DNAH14: variants seen among roughly 807,000 people sequenced by gnomAD.
DNAH14 encodes the protein dynein axonemal heavy chain 14, also known as axonemal beta dynein heavy chain 14.
Under a neutral mutation model 520.9 loss-of-function variants are expected in DNAH14, and 478 were observed. That is an observed-to-expected ratio of 0.92 (90% CI 0.85 to 0.99). The LOEUF is 0.99. DNAH14 is among the 50% of genes least tolerant of loss of function. The pLI is 0.00. For missense variants in DNAH14, 4,831 were observed against 5,234.5 expected (o/e 0.92, Z 2.38); for synonymous variants, 1,581 against 1,757.2 (o/e 0.90, Z 2.51).
rs185197900 is a variant in DNAH14 at position 225,335,208 on chromosome 1, C to T, written c.10080+1702C>T. 1.3e-3 allele frequency among the ~76,000 whole-genome samples: 185 copies of T among 137,970 alleles called. 14 individuals are homozygous for T. The highest frequency in any genetic ancestry group is 0.012 in the Admixed American group (155 of 13,306). 90.5% of individuals were successfully genotyped at this position (137,970 alleles called of 152,430 possible). A position where few individuals can be genotyped will look rare whatever the true frequency, so the allele number is the denominator to read the frequency against. On this transcript the variant is annotated intron_variant, in intron 66 of 85. Coordinates refer to ENST00000682510, the MANE Select transcript of DNAH14 (RefSeq NM_001367479.1). ...ATGTGTGTATATATGCACACACGTA[C>T]ATGTGTGTATATATGCACATATACA...
chr1:225,267,843 T>C (rs761574401), intron 49 of DNAH14, among the ~76,000 whole-genome samples: 2 of 151,688 alleles, frequency 1.3e-5, no homozygotes, highest in Non-Finnish European at 2.9e-5. Flanking sequence ...TCAGTCAGAC[T>C]GAAACAACCC....
chr1:224,935,405 A>G (rs559567389), intron 1 of DNAH14, among the ~76,000 whole-genome samples: 25 of 152,052 alleles, frequency 1.6e-4, no homozygotes, highest in African/African-American at 5.8e-4. Context: ...TATTCCATGC[A>G]AATGGAAGCC....
chr1:225,053,110 T>G (rs1483085452), intron 17 of DNAH14, among the ~76,000 whole-genome samples: 1 of 152,146 alleles, frequency 6.6e-6, no homozygotes, highest in Non-Finnish European at 1.5e-5. Context: ...AACTCAGTTA[T>G]GTGCCCTCAC....
intron 75 of DNAH14, among the ~76,000 whole-genome samples, chr1:225,361,872 A>G (rs2095496066): frequency 6.6e-6 from 1 of 152,074 alleles, no homozygotes. Flanking sequence ...CAATCAATCA[A>G]TCAATCAATA....
intron 27 of DNAH14, among the ~76,000 whole-genome samples, chr1:225,135,697 G>T (rs60782238): frequency 0.043 from 6,524 of 151,950 alleles, 404 homozygotes; most frequent in African/African-American, 0.14. Flanking sequence ...GTCAAGTTCA[G>T]GTTCTAAATA....
intron 49 of DNAH14, among the ~76,000 whole-genome samples, chr1:225,268,817 C>T (rs374827402): frequency 0.049 from 7,455 of 151,876 alleles, 285 homozygotes; most frequent in Non-Finnish European, 0.073. Flanking sequence ...CACTGCTCAA[C>T]GAAATAAAAG....
At chr1:225,191,046 T>A (rs929318384) in intron 37 of DNAH14, among the ~76,000 whole-genome samples, 1 of 151,950 alleles carries the variant, frequency 6.6e-6, no homozygotes, top group African/African-American at 2.4e-5. Flanking sequence ...ATAGATTCAT[T>A]ATTATTGTTT....
At chr1:225,048,314 A>G (rs775632700) in intron 15 of DNAH14, among the ~76,000 whole-genome samples, 1 of 152,170 alleles carries the variant, frequency 6.6e-6, no homozygotes. Context: ...CAGCCTAGGC[A>G]AGATGGTGAA....
At chr1:225,233,824 C>T (rs917195127) in intron 42 of DNAH14, among the ~76,000 whole-genome samples, 1 of 152,164 alleles carries the variant, frequency 6.6e-6, no homozygotes, top group Non-Finnish European at 1.5e-5. Flanking sequence ...GCTTTAGTTG[C>T]AATTGCGTTT....
chr1:225,004,614 A>T lies in DNAH14; in HGVS notation c.975+1687A>T, dbSNP rs575887339. ...CTGCCCATAGGGCAGGGGCACTCCTAGTGGTGATTGTTATGAGGGCAATTT... is the reference window on the plus strand; with the variant it reads ...CTGCCCATAGGGCAGGGGCACTCCTTGTGGTGATTGTTATGAGGGCAATTT... On this transcript the variant is annotated intron_variant, in intron 9 of 85. Coordinates refer to ENST00000682510, the MANE Select transcript of DNAH14 (RefSeq NM_001367479.1). 9.8e-4 allele frequency among the ~76,000 whole-genome samples: 150 copies of T among 152,300 alleles called. 1 individual carries two copies. The highest frequency in any genetic ancestry group is 1.2e-3 in the Admixed American group (19 of 15,280).
At position 225,051,713 on chromosome 1, in the gene DNAH14, T is replaced by C. The variant is rs1188209022; in HGVS notation, c.2342T>C (p.Leu781Ser). 1 of 1,551,220 alleles carries C rather than the reference T, an allele frequency of 6.4e-7. No homozygotes were observed. The highest frequency in any genetic ancestry group is 8.7e-7 in the Non-Finnish European group (1 of 1,146,730). Residue 781 changes from leucine to serine, a missense_variant, in exon 17 of 86, where the codon TTA becomes TCA. By Grantham distance (145) the Leu-to-Ser change is moderately radical. Coordinates refer to ENST00000682510, the MANE Select transcript of DNAH14 (RefSeq NM_001367479.1). ...AGTCTTGATTATCAATCAGAATGCT[T>C]ACTGTATATTGACAACGTCATACAT... ...VVSLDYQSECLLYIDNVIHMS... is the reference protein window; with the variant it reads ...VVSLDYQSECSLYIDNVIHMS...
chr1:225,381,396 T>C lies in DNAH14; in HGVS notation c.12894T>C (p.Leu4298=), dbSNP rs750782447. The part of the protein sequence containing the change: ...LSKNLKDHDP[L]IHCVLLTFLK... Reference sequence around the variant, plus strand: ...TTTAAAATCCAGATCACGACCCCCTTATCCATTGTGTCTTGCTAACCTTTT... The same window carrying C: ...TTTAAAATCCAGATCACGACCCCCTCATCCATTGTGTCTTGCTAACCTTTT... The change falls in exon 81 of 86, where the codon CTT becomes CTC. Residue 4298 remains leucine, a synonymous_variant. Coordinates refer to ENST00000682510, the MANE Select transcript of DNAH14 (RefSeq NM_001367479.1). The C allele has an allele frequency of 6.5e-7, 1 of 1,546,974 alleles. No homozygotes were observed. Among genetic ancestry groups the C allele is most frequent in the East Asian group, 2.4e-5 (1 of 40,890 alleles).
chr1:225,335,809 A>C (rs1339395537), intron 66 of DNAH14, among the ~76,000 whole-genome samples: 2 of 137,940 alleles, frequency 1.4e-5, no homozygotes, highest in African/African-American at 5.4e-5. Context: ...GTATATGTAC[A>C]TATATGTACA....
In DNAH14 at chr1:225,043,980, A is replaced by G. The variant is rs889814721; in HGVS notation, c.1909A>G (p.Ile637Val). 6.1e-6 allele frequency: 9 copies of G among 1,472,344 alleles called. No individual in the cohort carries two copies. Among genetic ancestry groups the G allele is most frequent in the African/African-American group, 2.8e-5 (2 of 70,598 alleles). 91.2% of individuals were successfully genotyped at this position (1,472,344 alleles called of 1,614,324 possible). Residue 637 changes from isoleucine to valine, a missense_variant, in exon 15 of 86, where the codon ATA becomes GTA. Physicochemically the swap from Ile to Val is conservative, Grantham distance 29. Transcript: ENST00000682510. ...QNMLTNMEKC[I>V]TTITPLCQDP... ...TATGTTGACTAATATGGAAAAATGT[A>G]TAAGTAAGTGTTTTTAAAGCTTAGT...
intron 10 of DNAH14, among the ~76,000 whole-genome samples, chr1:225,017,334 T>A (rs1357657524): frequency 6.6e-6 from 1 of 152,250 alleles, no homozygotes; most frequent in Non-Finnish European, 1.5e-5. Context: ...ATGAAAGTTG[T>A]TGATAAAGTT....
At chr1:225,036,548 A>G (rs2066984299) in intron 11 of DNAH14, among the ~76,000 whole-genome samples, 1 of 152,044 alleles carries the variant, frequency 6.6e-6, no homozygotes, top group Admixed American at 6.5e-5. Context: ...CTGTTCCCAT[A>G]CATCTTTCTG....
At chr1:225,077,365 T>C (rs1200665193) in intron 17 of DNAH14, among the ~76,000 whole-genome samples, 1 of 152,204 alleles carries the variant, frequency 6.6e-6, no homozygotes, top group Non-Finnish European at 1.5e-5. Context: ...TTACCATCCT[T>C]ATCTGGTTTT....
At chr1:225,362,692 G>T (rs1575027179) in intron 75 of DNAH14, among the ~76,000 whole-genome samples, 2 of 151,474 alleles carry the variant, frequency 1.3e-5, no homozygotes, top group African/African-American at 4.9e-5. Flanking sequence ...CCTCCAAAAG[G>T]CTACTATCAA....
chr1:225,332,444 G>A (rs994719385), intron 65 of DNAH14, among the ~76,000 whole-genome samples: 4 of 151,980 alleles, frequency 2.6e-5, no homozygotes, highest in Admixed American at 2.6e-4. Flanking sequence ...GACCAATCAA[G>A]CACATACGTG....
Sources: gnomAD v4.1 joint callset for allele counts (sites outside exome capture counted in the v4.1 genomes callset) on GRCh38, gnomAD v4.1.1 for gene constraint, MANE v1.5 for transcripts, NCBI Gene and HGNC (gene_info 2026-07-23, HGNC 2026-07-21) for gene names.